The following ROR1 variants were observed in gnomAD, a reference collection of about 807,000 sequenced individuals.
ROR1 encodes ROR family WNT receptor 1, also known as inactive tyrosine-protein kinase transmembrane receptor ROR1.
A neutral mutation model predicts 78.8 loss-of-function variants in ROR1; 19 were observed. That is an observed-to-expected ratio of 0.24 (90% CI 0.17 to 0.35). ROR1 has a LOEUF of 0.35. Among genes scored for constraint, ROR1 ranks in the 10% least tolerant of loss-of-function variants. The probability of loss-of-function intolerance (pLI) is 1.00; values close to 1 mark genes in which losing one functional copy is unlikely to be tolerated. For synonymous variants in ROR1, 386 were observed against 433.6 expected (o/e 0.89, Z 1.36); for missense variants, 917 against 1,177.8 (o/e 0.78, Z 3.24).
At chr1:64,168,545 T>C (rs911941346) in intron 8 of ROR1, among the ~76,000 whole-genome samples, 1 of 152,204 alleles carries the variant, frequency 6.6e-6, no homozygotes, top group African/African-American at 2.4e-5. Context: ...CAGTATATTG[T>C]ATATACAGTA....
chr1:64,051,995 A>G (rs1376777731), intron 4 of ROR1, among the ~76,000 whole-genome samples: 3 of 152,240 alleles, frequency 2.0e-5, no homozygotes, highest in Non-Finnish European at 4.4e-5. Context: ...GGTAATGGGT[A>G]AAAATAAACA....
chr1:63,927,602 T>C (rs973156321), intron 1 of ROR1, among the ~76,000 whole-genome samples: 4 of 151,176 alleles, frequency 2.6e-5, no homozygotes, highest in Non-Finnish European at 4.4e-5. Flanking sequence ...CTAGCAGCAG[T>C]CCTGGGGGGA....
At chr1:63,854,825 T>C (rs1645138469) in intron 1 of ROR1, among the ~76,000 whole-genome samples, 1 of 152,216 alleles carries the variant, frequency 6.6e-6, no homozygotes, top group African/African-American at 2.4e-5. Context: ...GCCAAAATCC[T>C]TGGATGCTCA....
chr1:64,029,951 C>A (rs948629783), intron 2 of ROR1, among the ~76,000 whole-genome samples: 6 of 152,188 alleles, frequency 3.9e-5, no homozygotes, highest in African/African-American at 1.4e-4. Context: ...CATTACCCAA[C>A]TCAAATGTCA....
chr1:64,017,222 T>C (rs1434602660), intron 2 of ROR1, among the ~76,000 whole-genome samples: 4 of 152,098 alleles, frequency 2.6e-5, no homozygotes, highest in African/African-American at 7.2e-5. Flanking sequence ...ACCTTCCTGA[T>C]AGGAGAGCAG....
At chr1:63,917,867 A>T (rs905721633) in intron 1 of ROR1, among the ~76,000 whole-genome samples, 2 of 152,166 alleles carry the variant, frequency 1.3e-5, no homozygotes, top group Non-Finnish European at 2.9e-5. Context: ...CTGCAGGCTC[A>T]GTGATGTGGG....
rs72683039 is a variant in ROR1, at chr1:63,817,265, C to T, written c.91+42757C>T. 3.6e-3 allele frequency among the ~76,000 whole-genome samples: 543 copies of T among 152,214 alleles called. 2 individuals are homozygous for T. Among genetic ancestry groups the T allele is most frequent in the Non-Finnish European group, 5.4e-3 (368 of 68,018 alleles). On this transcript the variant is annotated intron_variant, in intron 1 of 8. Transcript: ENST00000371079. ...ATTTCCCAGGGCAGCATGATGTCAA[C>T]GCCCCGTGGTCTCTTATCTACAAGA... is the stretch of plus-strand genomic sequence containing the variant.
chr1:64,144,321 C>T (rs1649418882), intron 7 of ROR1, among the ~76,000 whole-genome samples: 1 of 152,128 alleles, frequency 6.6e-6, no homozygotes, highest in South Asian at 2.1e-4. Context: ...TTTTATATCA[C>T]AGACTGAAGT....
chr1:64,029,557 G>C (rs758452014), intron 2 of ROR1, among the ~76,000 whole-genome samples: 2 of 152,162 alleles, frequency 1.3e-5, no homozygotes, highest in Non-Finnish European at 2.9e-5. Flanking sequence ...CCAAGATCAA[G>C]GTCCAGCAGG....
intron 1 of ROR1, among the ~76,000 whole-genome samples, chr1:63,994,981 G>A (rs1264779511): frequency 7.9e-5 from 12 of 152,208 alleles, no homozygotes; most frequent in Non-Finnish European, 1.5e-5. Flanking sequence ...CCACATATGG[G>A]CAGATCTTTG....
At chr1:63,882,666 T>A (rs181101515) in intron 1 of ROR1, among the ~76,000 whole-genome samples, 1 of 152,080 alleles carries the variant, frequency 6.6e-6, no homozygotes, top group East Asian at 1.9e-4. Flanking sequence ...GTGACAAGAG[T>A]TAGATTTTGG....
intron 4 of ROR1, among the ~76,000 whole-genome samples, chr1:64,065,951 A>G (rs572179157): frequency 6.6e-6 from 1 of 152,322 alleles, no homozygotes; most frequent in Non-Finnish European, 1.5e-5. Context: ...CTTGCTTAGT[A>G]TGTAAGTCAG....
intron 7 of ROR1, among the ~76,000 whole-genome samples, chr1:64,157,975 G>C (rs1007002685): frequency 6.6e-6 from 1 of 152,180 alleles, no homozygotes; most frequent in Non-Finnish European, 1.5e-5. Context: ...TTTTCTTAAA[G>C]ATAGCTGATC....
intron 7 of ROR1, among the ~76,000 whole-genome samples, chr1:64,150,872 A>C (rs973144878): frequency 1.3e-5 from 2 of 152,228 alleles, no homozygotes; most frequent in African/African-American, 4.8e-5. Context: ...TTCCTAGTAT[A>C]TATTGAGTCA....
At chr1:64,142,969 G>A in intron 7 of ROR1, 2 of 1,138,048 alleles carry the variant, frequency 1.8e-6, no homozygotes, top group South Asian at 5.2e-5. Flanking sequence ...ACCCAGAATG[G>A]TCTGCGTCCA....
At chr1:63,999,205 G>T (rs1231041880) in intron 1 of ROR1, among the ~76,000 whole-genome samples, 1 of 152,192 alleles carries the variant, frequency 6.6e-6, no homozygotes, top group African/African-American at 2.4e-5. Context: ...AGGCTCCTTT[G>T]AGTATCCAAG....
chr1:64,126,852 C>T (rs1156601149), intron 4 of ROR1, among the ~76,000 whole-genome samples: 1 of 152,142 alleles, frequency 6.6e-6, no homozygotes, highest in Non-Finnish European at 1.5e-5. Context: ...GACCTTGAAT[C>T]CAGCCAGGCT....
intron 1 of ROR1, among the ~76,000 whole-genome samples, chr1:63,968,807 A>G (rs545215472): frequency 1.3e-5 from 2 of 152,324 alleles, no homozygotes; most frequent in South Asian, 4.1e-4. Context: ...CTTTTCTGCC[A>G]ATGACCACAG....
intron 1 of ROR1, among the ~76,000 whole-genome samples, chr1:63,896,847 A>T (rs1156726196): frequency 1.3e-5 from 2 of 152,188 alleles, no homozygotes; most frequent in African/African-American, 2.4e-5. Flanking sequence ...TTTCAGATGC[A>T]GAATAAAAAG....
Sources: allele counts gnomAD v4.1 joint callset (sites outside exome capture counted in the v4.1 genomes callset), GRCh38; gene constraint gnomAD v4.1.1; transcripts MANE v1.5; gene names NCBI Gene and HGNC (gene_info 2026-07-23, HGNC 2026-07-21).